The following SLC36A4 variants were observed in gnomAD, a reference collection of about 807,000 sequenced individuals.
SLC36A4 encodes neutral amino acid uniporter 4.
Under a neutral mutation model 50.5 loss-of-function variants are expected in SLC36A4, and 49 were observed. The observed-to-expected ratio is 0.97, with a 90% CI of 0.77 to 1.23. SLC36A4 has a LOEUF of 1.23. SLC36A4 is among the 50% of genes most tolerant of loss of function. SLC36A4 has a pLI of 0.00. For missense variants in SLC36A4, 611 were observed against 608.4 expected, an observed-to-expected ratio of 1.00 and a Z score of -0.05; for synonymous variants, 207 against 206.5, an observed-to-expected ratio of 1.00 and a Z score of -0.02.
chr11:93,186,296 C>T (rs1464869314), intron 1 of SLC36A4, among the ~76,000 whole-genome samples: 5 of 152,080 alleles, frequency 3.3e-5, no homozygotes, highest in Admixed American at 2.0e-4. Context: ...TTCCTGAGAA[C>T]AAGGATATTC....
intron 4 of SLC36A4, 135 bp from the exon 5 acceptor site, chr11:93,181,921 A>G: frequency 1.5e-6 from 1 of 667,044 alleles, no homozygotes; most frequent in Non-Finnish European, 2.2e-6. Flanking sequence ...TGAGTTACCA[A>G]AATGTCAAGA....
At chr11:93,155,770 T>G (rs1860328855) in intron 9 of SLC36A4, among the ~76,000 whole-genome samples, 2 of 152,202 alleles carry the variant, frequency 1.3e-5, no homozygotes, top group South Asian at 4.1e-4. Context: ...GTTGTTCCCC[T>G]CCATGTGTCC....
intron 9 of SLC36A4, 167 bp from the exon 10 acceptor site, chr11:93,154,444 A>G: frequency 5.6e-6 from 2 of 355,666 alleles, no homozygotes; most frequent in Non-Finnish European, 1.0e-5. Flanking sequence ...CTCTAACTAA[A>G]TTTCTAGATG....
chr11:93,149,042 G>C (rs1311188555), intron 10 of SLC36A4, among the ~76,000 whole-genome samples, 198 bp from the exon 11 acceptor site: 1 of 152,048 alleles, frequency 6.6e-6, no homozygotes, highest in Non-Finnish European at 1.5e-5. Context: ...AAAATAGTGA[G>C]TGACATGTCC....
intron 2 of SLC36A4, among the ~76,000 whole-genome samples, chr11:93,185,010 A>T (rs1208343790): frequency 6.6e-6 from 1 of 152,216 alleles, no homozygotes; most frequent in African/African-American, 2.4e-5. Context: ...TTTAAAAAAA[A>T]TACAAGTTTT....
rs1860971020 is a variant in SLC36A4, at chr11:93,168,186, C to T, written c.541-15G>A. 2.0e-6 allele frequency: 3 copies of T among 1,531,234 alleles called. No homozygotes were observed. The highest frequency in any genetic ancestry group is 2.3e-5 in the East Asian group (1 of 44,190). The allele number at this position is 1,531,234 out of a possible 1,614,324, so 94.9% of individuals were successfully genotyped here. A position where few individuals can be genotyped will look rare whatever the true frequency, so the allele number is the denominator to read the frequency against. ...CCTTCATGAACCTACATAGGATTACCAGGAGAATAAAGAAGGGGGAAAAAC... is the reference window on the plus strand; with the variant it reads ...CCTTCATGAACCTACATAGGATTACTAGGAGAATAAAGAAGGGGGAAAAAC... On this transcript the variant is annotated splice_polypyrimidine_tract_variant and intron_variant, in intron 6 of 10. Transcript: ENST00000326402.
chr11:93,151,440 T>G (rs1221730342), intron 10 of SLC36A4, among the ~76,000 whole-genome samples: 1 of 152,002 alleles, frequency 6.6e-6, no homozygotes, highest in Non-Finnish European at 1.5e-5. Context: ...TGCAGATACA[T>G]CAGAACACAA....
Position 93,147,793 on chromosome 11 carries a change from C to T in SLC36A4, c.*744G>A, listed in dbSNP as rs902971617. Reference sequence around the variant, plus strand: ...TCTTGATCTCAAGGCTGAGTGGTCTCGACCAAGTTACTTAACCTTTCTAGG... The same window carrying T: ...TCTTGATCTCAAGGCTGAGTGGTCTTGACCAAGTTACTTAACCTTTCTAGG... On this transcript the variant is annotated 3_prime_UTR_variant, in exon 11 of 11. Coordinates refer to ENST00000326402, the MANE Select transcript of SLC36A4 (RefSeq NM_152313.4). 2 of 152,066 alleles carry T rather than the reference C, an allele frequency of 1.3e-5. No homozygotes were observed. Among genetic ancestry groups the T allele is most frequent in the South Asian group, 2.1e-4 (1 of 4,828 alleles). The allele number at this position is 152,066 out of a possible 1,614,324, so 9.4% of individuals were successfully genotyped here. A position where few individuals can be genotyped will look rare whatever the true frequency, so the allele number is the denominator to read the frequency against.
At position 93,189,060 on chromosome 11, in the gene SLC36A4, C is replaced by T. The variant is rs543491066; in HGVS notation, c.56-3246G>A. On this transcript the variant is annotated intron_variant, in intron 1 of 10. Coordinates refer to ENST00000326402, the MANE Select transcript of SLC36A4 (RefSeq NM_152313.4). ...GGGACCCTCCCTACTCCAGCAAAGC[C>T]TCACCTTTTTTTTTTTTTTAGACAA... 2.6e-5 allele frequency among the ~76,000 whole-genome samples: 4 copies of T among 151,732 alleles called. No individual in the cohort carries two copies. In the South Asian group the frequency reaches 8.4e-4, roughly 32 times the overall value.
chr11:93,186,484 TA>T lies in SLC36A4; in HGVS notation c.56-671del, dbSNP rs753209580. ...TGTTCTAGTGGTTTCTTTGCCATTA[TA>T]TTTTTTATGATGCCTTTAATCATCT... On this transcript the variant is annotated intron_variant, in intron 1 of 10. Coordinates refer to ENST00000326402, the MANE Select transcript of SLC36A4 (RefSeq NM_152313.4). 6.6e-4 allele frequency among the ~76,000 whole-genome samples: 100 copies of T among 152,318 alleles called. No homozygotes were observed. In the Middle Eastern group the frequency reaches 0.014, roughly 21 times the overall value.
chr11:93,160,685 T>G, intron 9 of SLC36A4: 1 of 985,416 alleles, frequency 1.0e-6, no homozygotes, highest in African/African-American at 1.7e-5. Flanking sequence ...CACTCCCACT[T>G]TGGAAACTTC....
chr11:93,151,574 G>T (rs1860088111), intron 10 of SLC36A4, among the ~76,000 whole-genome samples: 2 of 152,012 alleles, frequency 1.3e-5, no homozygotes, highest in African/African-American at 4.8e-5. Context: ...AGGATATCAG[G>T]AAACAGAATG....
intron 6 of SLC36A4, chr11:93,171,761 T>G (rs1179791853): frequency 6.6e-6 from 1 of 152,092 alleles, no homozygotes; most frequent in East Asian, 1.9e-4. Flanking sequence ...TATCAGTTCT[T>G]GTTAATAAAA....
chr11:93,193,020 C>A (rs948982158), intron 1 of SLC36A4: 2 of 328,326 alleles, frequency 6.1e-6, no homozygotes, highest in Non-Finnish European at 8.7e-6. Flanking sequence ...ACAGCCTAGA[C>A]CCTGGCACAT....
chr11:93,171,389 A>G (rs1358332721), intron 6 of SLC36A4: 1 of 152,074 alleles, frequency 6.6e-6, no homozygotes, highest in African/African-American at 2.4e-5. Context: ...AAAATCTGAC[A>G]AGACAATGTC....
chr11:93,191,017 A>G (rs1862196580), intron 1 of SLC36A4, among the ~76,000 whole-genome samples: 1 of 152,210 alleles, frequency 6.6e-6, no homozygotes, highest in South Asian at 2.1e-4. Flanking sequence ...TCTTAAATCT[A>G]AAGAGTAAAT....
Position 93,168,427 on chromosome 11 carries a change from T to C in SLC36A4, c.541-256A>G, listed in dbSNP as rs75412336. Among the ~76,000 whole-genome samples, 417 of 152,184 alleles carry C rather than the reference T, an allele frequency of 2.7e-3. 2 individuals carry two copies. Among genetic ancestry groups the C allele is most frequent in the African/African-American group, 9.1e-3 (380 of 41,556 alleles). On this transcript the variant is annotated intron_variant, in intron 6 of 10. Transcript: ENST00000326402. ...TATCATACTGTAAATATAAAGTTCA[T>C]TAGAAAATTATAATGATAGATTTGC...
chr11:93,148,777 G>A lies in SLC36A4; in HGVS notation c.1275C>T (p.Ser425=). The A allele has an allele frequency of 6.2e-7, 1 of 1,612,964 alleles. No individual in the cohort carries two copies. Among genetic ancestry groups the A allele is most frequent in the Non-Finnish European group, 8.5e-7 (1 of 1,179,344 alleles). The change falls in exon 11 of 11, where the codon AGC becomes AGT. Residue 425 remains serine (S), a synonymous_variant. Transcript: ENST00000326402. ...AAGGTGGCAGGATTAGGGCCAATGTGCTGCTGCTCACAGCTCCAACGAAGG... is the reference window on the plus strand; with the variant it reads ...AAGGTGGCAGGATTAGGGCCAATGTACTGCTGCTCACAGCTCCAACGAAGG... ...VISFVGAVSS[S]TLALILPPLV...
At chr11:93,169,612 ATATC>A (rs1234552527) in intron 6 of SLC36A4, among the ~76,000 whole-genome samples, 1 of 152,154 alleles carries the variant, frequency 6.6e-6, no homozygotes, top group Non-Finnish European at 1.5e-5. Flanking sequence ...TGCAGAGAAT[ATATC>A]TATTAGATTT....
Sources: gnomAD v4.1 joint callset for allele counts (sites outside exome capture counted in the v4.1 genomes callset) on GRCh38, gnomAD v4.1.1 for gene constraint, MANE v1.5 for transcripts, NCBI Gene and HGNC (gene_info 2026-07-23, HGNC 2026-07-21) for gene names.